GPS1: variants seen among roughly 807,000 people sequenced by gnomAD.
GPS1 encodes COP9 signalosome complex subunit 1.
GPS1 carries 11 observed loss-of-function variants against 60.0 expected under a neutral mutation model. That is an observed-to-expected ratio of 0.18 (90% CI 0.12 to 0.30). The LOEUF (loss-of-function observed/expected upper bound fraction) is 0.30, where lower values mean the gene tolerates loss of function less well. Among genes scored for constraint, GPS1 ranks in the 10% least tolerant of loss-of-function variants. The pLI, the probability that GPS1 is intolerant of heterozygous loss-of-function variation, is 1.00. For missense variants in GPS1, 543 were observed against 669.2 expected, an observed-to-expected ratio of 0.81 and a Z score of 2.08; for synonymous variants, 343 against 269.8, an observed-to-expected ratio of 1.27 and a Z score of -2.66.
chr17:82,051,764 C>A, upstream of GPS1: 1 of 1,099,044 alleles, frequency 9.1e-7, no homozygotes, highest in South Asian at 4.3e-5. The surrounding 1 kb of genome is among the most constrained non-coding windows in gnomAD (Gnocchi z 4.1). Flanking sequence ...GCGCGCGGCT[C>A]ATGCGGCCGC....
intron 6 of GPS1, 93 bp downstream of exon 6, chr17:82,055,315 G>T (rs1245847871): frequency 1.1e-5 from 14 of 1,308,378 alleles, no homozygotes; most frequent in Non-Finnish European, 1.5e-5. Flanking sequence ...GCCTCAGCCA[G>T]GGAAAACTTC....
chr17:82,052,446 C>A (rs1325364870), intron 1 of GPS1: 7 of 1,611,360 alleles, frequency 4.3e-6, no homozygotes, highest in Non-Finnish European at 5.9e-6. Context: ...TCGGCCTGTA[C>A]GCTGCTCTAC....
Position 82,056,455 on chromosome 17 carries a change from C to G in GPS1, c.1036-15C>G. 1 of 1,613,096 alleles carries G rather than the reference C, an allele frequency of 6.2e-7. No individual in the cohort carries two copies. The highest frequency in any genetic ancestry group is 8.5e-7 in the Non-Finnish European group (1 of 1,179,960). Reference sequence around the variant, plus strand: ...CCTGGCCTCCTGTCCTGGTCCTGACCAGCCCCTTCCCCAGGACAACCTGCT... The same window carrying G: ...CCTGGCCTCCTGTCCTGGTCCTGACGAGCCCCTTCCCCAGGACAACCTGCT... On this transcript the variant is annotated splice_polypyrimidine_tract_variant and intron_variant, in intron 9 of 12. Transcript: ENST00000578552.
At position 82,053,742 on chromosome 17, in the gene GPS1, GT is replaced by G. The variant is rs528637077; in HGVS notation, c.127-124del. 3.2e-6 allele frequency: 3 copies of G among 943,432 alleles called. No homozygotes were observed. In the South Asian group the frequency reaches 5.2e-5, roughly 16 times the overall value. 58.4% of individuals were successfully genotyped at this position (943,432 alleles called of 1,614,324 possible). A position where few individuals can be genotyped will look rare whatever the true frequency, so the allele number is the denominator to read the frequency against. ...AGTCAGTCTCGTACCCCCATGCCCG[GT>G]TCTGGTTATGGGCCCAGGGCGACAT... On this transcript the variant is annotated intron_variant, in intron 2 of 12. Transcript: ENST00000578552.
chr17:82,051,523 A>G, upstream of GPS1: 1 of 1,395,678 alleles, frequency 7.2e-7, no homozygotes, highest in Non-Finnish European at 9.3e-7. The surrounding 1 kb of genome is among the most constrained non-coding windows in gnomAD (Gnocchi z 4.1). Context: ...CGGGAGATCC[A>G]GGTGCGCAGC....
At chr17:82,052,989 C>T (rs2031367365) in intron 1 of GPS1, 2 of 289,654 alleles carry the variant, frequency 6.9e-6, no homozygotes, top group Non-Finnish European at 1.3e-5. Context: ...TGTCCCCTGT[C>T]TGCTTTCTGG....
chr17:82,056,967 A>T lies in GPS1; in HGVS notation c.1382A>T (p.His461Leu). The change falls in exon 12 of 13, where the codon CAT (histidine) becomes CTT (leucine). Residue 461 changes from histidine to leucine, a missense_variant. Coordinates refer to ENST00000578552, the MANE Select transcript of GPS1 (RefSeq NM_001321092.3). ...GCAGCTGTGCTCCGCAACCAGATCCATGTCAAGGTGGGCTGGCTTGAGGGG... is the reference window on the plus strand; with the variant it reads ...GCAGCTGTGCTCCGCAACCAGATCCTTGTCAAGGTGGGCTGGCTTGAGGGG... Reference protein sequence around the residue: ...LRAAVLRNQIHVKSPPREGSQ... With the variant: ...LRAAVLRNQILVKSPPREGSQ... 1 of 1,612,834 alleles carries T rather than the reference A, an allele frequency of 6.2e-7. No individual in the cohort carries two copies. Among genetic ancestry groups the T allele is most frequent in the Non-Finnish European group, 8.5e-7 (1 of 1,179,922 alleles).
upstream of GPS1, chr17:82,051,334 G>C (rs1186686376): frequency 6.8e-7 from 1 of 1,461,518 alleles, no homozygotes; most frequent in South Asian, 1.6e-5. This position sits in a 1 kb window ranked among gnomAD's most constrained non-coding sequence, Gnocchi z 4.1. Flanking sequence ...CGTCGGTGAA[G>C]ATAAACGTCT....
chr17:82,050,963 C>T (rs529846193), upstream of GPS1: 161 of 1,427,566 alleles, frequency 1.1e-4, no homozygotes, highest in East Asian at 4.0e-3. Flanking sequence ...AGGCGGCCAT[C>T]GGTTGGGATC....
chr17:82,055,756 C>A lies in GPS1; in HGVS notation c.765C>A (p.Ala255=). 6.4e-7 allele frequency: 1 copy of A among 1,555,946 alleles called. No individual in the cohort carries two copies. Among genetic ancestry groups the A allele is most frequent in the Non-Finnish European group, 8.7e-7 (1 of 1,149,982 alleles). ...TTCCACTAGGCTTGGCAGAGCTGGC[C>A]GCCAGGAAGTACAAGCAGGCTGCCA... is the stretch of plus-strand genomic sequence containing the variant. ...LKCAAGLAEL[A]ARKYKQAAKC... Residue 255 remains alanine (A), a synonymous_variant, in exon 7 of 13, where the codon GCC becomes GCA. Transcript: ENST00000578552.
At chr17:82,054,270 G>A in intron 3 of GPS1, 2 of 739,076 alleles carry the variant, frequency 2.7e-6, no homozygotes, top group Non-Finnish European at 4.3e-6. Flanking sequence ...AGCTGTTGGA[G>A]ACTGTGGCTC....
Position 82,056,562 on chromosome 17 carries a change from G to A in GPS1, c.1116+12G>A, listed in dbSNP as rs199967516. 1.5e-3 allele frequency: 2,475 copies of A among 1,612,752 alleles called. 5 individuals are homozygous for A. The highest frequency in any genetic ancestry group is 1.8e-3 in the Non-Finnish European group (2,168 of 1,179,990). On this transcript the variant is annotated intron_variant, in intron 10 of 12. Transcript: ENST00000578552. ...GTGCCCTCATCCAGGTAAGCGTGGGGGTCAGGCTGGCACACGGCAGGCGGG... is the reference window on the plus strand; with the variant it reads ...GTGCCCTCATCCAGGTAAGCGTGGGAGTCAGGCTGGCACACGGCAGGCGGG...
At position 82,056,553 on chromosome 17, in the gene GPS1, A is replaced by G. The variant is rs562585765; in HGVS notation, c.1116+3A>G. On this transcript the variant is annotated splice_donor_region_variant and intron_variant, in intron 10 of 12. Coordinates refer to ENST00000578552, the MANE Select transcript of GPS1 (RefSeq NM_001321092.3). The stretch of plus-strand genomic sequence containing the variant: ...TTCGCAACCGTGCCCTCATCCAGGT[A>G]AGCGTGGGGGTCAGGCTGGCACACG... 6.2e-7 allele frequency: 1 copy of G among 1,612,882 alleles called. No homozygotes were observed. The highest frequency in any genetic ancestry group is 1.3e-5 in the African/African-American group (1 of 75,032).
At chr17:82,051,815 C>T (rs1598475620), upstream of GPS1, 2 of 1,132,428 alleles carry the variant, frequency 1.8e-6, no homozygotes, top group African/African-American at 1.7e-5. The surrounding 1 kb of genome is among the most constrained non-coding windows in gnomAD (Gnocchi z 4.1). Context: ...TGGCCGGAGC[C>T]GTGGGTGGGC....
At chr17:82,051,843 C>G (rs897012856), upstream of GPS1, 2 of 1,138,978 alleles carry the variant, frequency 1.8e-6, no homozygotes, top group Middle Eastern at 3.6e-4. The surrounding 1 kb of genome is among the most constrained non-coding windows in gnomAD (Gnocchi z 4.1). Flanking sequence ...CCTTTAAGAA[C>G]GCAGCGGCCC....
upstream of GPS1, chr17:82,051,070 C>T: frequency 7.3e-7 from 1 of 1,370,810 alleles, no homozygotes; most frequent in Admixed American, 3.4e-5. This position sits in a 1 kb window ranked among gnomAD's most constrained non-coding sequence, Gnocchi z 4.1. Context: ...GCACTAGCCC[C>T]ACGCCCCGGG....
chr17:82,057,205 C>A lies in GPS1; in HGVS notation c.*78C>A. ...CCTCGGACCTCCAGGCGGCTCAGTG[C>A]TGCCTGCGGCCCAGCTAAGGGGCCT... On this transcript the variant is annotated 3_prime_UTR_variant, in exon 13 of 13. Coordinates refer to ENST00000578552, the MANE Select transcript of GPS1 (RefSeq NM_001321092.3). 2 of 1,560,052 alleles carry A rather than the reference C, an allele frequency of 1.3e-6. No individual in the cohort carries two copies. Among genetic ancestry groups the A allele is most frequent in the Non-Finnish European group, 1.8e-6 (2 of 1,138,802 alleles).
intron 5 of GPS1, 40 bp from the exon 6 acceptor site, chr17:82,055,122 T>C (rs757566285): frequency 4.5e-6 from 7 of 1,563,810 alleles, no homozygotes; most frequent in Non-Finnish European, 1.7e-6. Flanking sequence ...CTCTAGGAAA[T>C]GTGGAGCATG....
chr17:82,051,301 G>A (rs754566976), upstream of GPS1: 12 of 1,422,504 alleles, frequency 8.4e-6, 1 homozygote, highest in South Asian at 8.8e-5. This position sits in a 1 kb window ranked among gnomAD's most constrained non-coding sequence, Gnocchi z 4.1. Context: ...CACCGCCCTG[G>A]AGCTCGAGCT....
Sources: allele counts gnomAD v4.1 joint callset, GRCh38; gene constraint gnomAD v4.1.1; non-coding constraint Gnocchi (gnomAD v3.1); transcripts MANE v1.5; gene names NCBI Gene and HGNC (gene_info 2026-07-23, HGNC 2026-07-21).